The following STPG2 variants were observed in gnomAD, a reference collection of about 807,000 sequenced individuals.
The protein encoded by STPG2 is sperm-tail PG-rich repeat-containing protein 2.
In STPG2, 56 loss-of-function variants were observed where a neutral mutation model predicts 54.2. The ratio of observed to expected loss-of-function variants is 1.03; its 90% CI spans 0.83 to 1.29. The LOEUF is 1.29. STPG2 is among the 50% of genes most tolerant of loss of function. STPG2 has a pLI of 0.00. For synonymous variants in STPG2, 200 were observed against 181.8 expected (o/e 1.10, Z -0.81); for missense variants, 596 against 544.9 (o/e 1.09, Z -0.93).
chr4:97,493,832 C>T (rs1730553775), intron 4 of STPG2, among the ~76,000 whole-genome samples: 2 of 151,366 alleles, frequency 1.3e-5, no homozygotes, highest in Admixed American at 6.6e-5. Flanking sequence ...CTTGGTCACC[C>T]CCTAACAAAC....
chr4:97,530,860 C>A (rs1731398465), intron 4 of STPG2, among the ~76,000 whole-genome samples: 1 of 152,192 alleles, frequency 6.6e-6, no homozygotes, highest in Admixed American at 6.5e-5. Context: ...CTGGAGATTT[C>A]ACAGTGAACT....
intron 9 of STPG2, among the ~76,000 whole-genome samples, chr4:97,774,345 T>A (rs1211238476): frequency 1.3e-5 from 2 of 152,190 alleles, no homozygotes. Context: ...ATTTTAGGAC[T>A]TAATTCCTTA....
chr4:97,508,453 C>T (rs935323057), intron 4 of STPG2, among the ~76,000 whole-genome samples: 1 of 151,924 alleles, frequency 6.6e-6, no homozygotes, highest in African/African-American at 2.4e-5. Flanking sequence ...TAAAAAATAA[C>T]TAGACTCTTT....
chr4:97,776,286 G>T (rs1726373179), intron 9 of STPG2, among the ~76,000 whole-genome samples: 1 of 152,098 alleles, frequency 6.6e-6, no homozygotes, highest in Non-Finnish European at 1.5e-5. Context: ...AAATTTTACA[G>T]ATGACAATAT....
At chr4:97,589,078 T>C (rs1375175694) in intron 10 of STPG2, among the ~76,000 whole-genome samples, 6 of 152,182 alleles carry the variant, frequency 3.9e-5, no homozygotes, top group African/African-American at 7.2e-5. Flanking sequence ...GTAAATACGA[T>C]GCAGTTAAAA....
chr4:97,626,284 A>T (rs188699266), intron 10 of STPG2, among the ~76,000 whole-genome samples: 1 of 152,292 alleles, frequency 6.6e-6, no homozygotes, highest in Admixed American at 6.5e-5. Context: ...TGCAGTCCCC[A>T]GTATACACAA....
intron 10 of STPG2, among the ~76,000 whole-genome samples, chr4:97,564,083 T>C (rs1197259795): frequency 6.6e-6 from 1 of 152,174 alleles, no homozygotes; most frequent in Non-Finnish European, 1.5e-5. Context: ...TCATTGTAGG[T>C]CACTGAGGAC....
intron 9 of STPG2, among the ~76,000 whole-genome samples, chr4:97,726,620 G>C (rs903729879): frequency 6.6e-6 from 1 of 151,940 alleles, no homozygotes; most frequent in African/African-American, 2.4e-5. Context: ...GAATATTAAA[G>C]ATTATGGCTT....
At chr4:97,779,787 A>T (rs1239152528) in intron 9 of STPG2, among the ~76,000 whole-genome samples, 4 of 152,212 alleles carry the variant, frequency 2.6e-5, no homozygotes, top group Admixed American at 6.5e-5. Flanking sequence ...CAACGTTCTT[A>T]AAGAAAAGAA....
At chr4:98,005,915 A>G (rs1224980043) in intron 5 of STPG2, among the ~76,000 whole-genome samples, 1 of 152,104 alleles carries the variant, frequency 6.6e-6, no homozygotes, top group Non-Finnish European at 1.5e-5. Flanking sequence ...CTCTTTTTCC[A>G]TTTTTTGAAA....
Position 97,578,979 on chromosome 4 carries a change from C to A in STPG2, c.1321-19862G>T, listed in dbSNP as rs538377012. ...ATTTTCCTACTCATTTAGCATCAAA[C>A]GAACAATATCAGTGCCATCTAAAAA... On this transcript the variant is annotated intron_variant, in intron 10 of 10. Coordinates refer to ENST00000295268, the MANE Select transcript of STPG2 (RefSeq NM_174952.3). Among the ~76,000 whole-genome samples, 8 of 152,082 alleles carry A rather than the reference C, an allele frequency of 5.3e-5. No individual in the cohort carries two copies. The South Asian group carries it at 1.5e-3, about 28-fold the overall frequency.
intron 4 of STPG2, among the ~76,000 whole-genome samples, chr4:97,528,161 T>C (rs1731325995): frequency 6.6e-6 from 1 of 152,224 alleles, no homozygotes; most frequent in Admixed American, 6.5e-5. Flanking sequence ...AATCCCATCT[T>C]GAGTTAATTT....
intron 8 of STPG2, among the ~76,000 whole-genome samples, chr4:97,844,628 T>A (rs748425527): frequency 4.6e-5 from 7 of 152,060 alleles, no homozygotes; most frequent in Non-Finnish European, 8.8e-5. Flanking sequence ...AGTTTGACTA[T>A]AATGTATCTA....
chr4:97,637,644 G>C (rs914714619), intron 10 of STPG2, among the ~76,000 whole-genome samples: 1 of 152,164 alleles, frequency 6.6e-6, no homozygotes, highest in East Asian at 1.9e-4. Context: ...CTTCAGCAAA[G>C]TCTCAGGATA....
At chr4:97,615,660 T>C (rs1048278828) in intron 10 of STPG2, among the ~76,000 whole-genome samples, 1 of 152,054 alleles carries the variant, frequency 6.6e-6, no homozygotes, top group Admixed American at 6.6e-5. Flanking sequence ...TTTTTACCGA[T>C]ATATCAATTG....
chr4:97,895,814 G>A (rs943665316), intron 8 of STPG2, among the ~76,000 whole-genome samples: 1 of 151,740 alleles, frequency 6.6e-6, no homozygotes, highest in Admixed American at 6.6e-5. Flanking sequence ...TCCTGTCTGT[G>A]GGAATCACTT....
intron 10 of STPG2, among the ~76,000 whole-genome samples, chr4:97,693,146 AAAAAG>A (rs1440127709): frequency 3.3e-5 from 5 of 152,014 alleles, no homozygotes; most frequent in African/African-American, 1.2e-4. Context: ...TAAAAAAAAA[AAAAAG>A]AAAGGTATTC....
At chr4:97,956,780 G>T (rs1733690245) in intron 7 of STPG2, among the ~76,000 whole-genome samples, 1 of 152,152 alleles carries the variant, frequency 6.6e-6, no homozygotes, top group Non-Finnish European at 1.5e-5. Flanking sequence ...GAATAATACA[G>T]CAAGGGGACA....
chr4:97,740,535 T>C (rs984910697), intron 9 of STPG2, among the ~76,000 whole-genome samples: 2 of 152,196 alleles, frequency 1.3e-5, no homozygotes, highest in African/African-American at 4.8e-5. Context: ...AAAATCAATG[T>C]ACAAAAATCA....
Sources: gnomAD v4.1 joint callset for allele counts (sites outside exome capture counted in the v4.1 genomes callset) on GRCh38, gnomAD v4.1.1 for gene constraint, MANE v1.5 for transcripts, NCBI Gene and HGNC (gene_info 2026-07-23, HGNC 2026-07-21) for gene names.